The following MCTP2 variants were observed in gnomAD, a reference collection of about 807,000 sequenced individuals.
MCTP2 encodes multiple C2 and transmembrane domain-containing protein 2.
In MCTP2, 132 loss-of-function variants were observed where a neutral mutation model predicts 111.6. The observed-to-expected ratio is 1.18, with a 90% CI of 1.03 to 1.37. The LOEUF (loss-of-function observed/expected upper bound fraction) is 1.37, where lower values mean the gene tolerates loss of function less well. Ranked by LOEUF, MCTP2 falls within the 40% of genes most tolerant of loss-of-function variation. The pLI is 0.00. For missense variants in MCTP2, 1,183 were observed against 1,067.9 expected, an observed-to-expected ratio of 1.11 and a Z score of -1.50; for synonymous variants, 395 against 387.7, an observed-to-expected ratio of 1.02 and a Z score of -0.22.
chr15:94,286,764 G>C (rs1024597468), intron 1 of MCTP2, among the ~76,000 whole-genome samples: 1 of 152,184 alleles, frequency 6.6e-6, no homozygotes, highest in African/African-American at 2.4e-5. Context: ...AGGATGTCTG[G>C]CTTAAAACCA....
intron 4 of MCTP2, among the ~76,000 whole-genome samples, chr15:94,334,845 G>A (rs1409323829): frequency 1.3e-5 from 2 of 152,140 alleles, no homozygotes; most frequent in African/African-American, 2.4e-5. Flanking sequence ...ACTGTATCCA[G>A]CCTGTTATTT....
chr15:94,273,046 T>C (rs537271250), intron 1 of MCTP2, among the ~76,000 whole-genome samples: 67 of 152,352 alleles, frequency 4.4e-4, no homozygotes, highest in African/African-American at 1.5e-3. Flanking sequence ...TGAAAACCTG[T>C]ACTTCTCAGC....
At chr15:94,327,998 C>A (rs923394517) in intron 4 of MCTP2, among the ~76,000 whole-genome samples, 2 of 152,138 alleles carry the variant, frequency 1.3e-5, no homozygotes, top group Non-Finnish European at 2.9e-5. Context: ...GTTTTCTATT[C>A]CTGCTGCGTG....
At chr15:94,457,774 G>A (rs1484568804) in intron 19 of MCTP2, among the ~76,000 whole-genome samples, 1 of 152,206 alleles carries the variant, frequency 6.6e-6, no homozygotes, top group African/African-American at 2.4e-5. Context: ...AGTAGGGTGA[G>A]CTTCAGAAAA....
intron 10 of MCTP2, among the ~76,000 whole-genome samples, chr15:94,359,348 G>A (rs1436369825): frequency 1.3e-5 from 2 of 152,150 alleles, no homozygotes; most frequent in Non-Finnish European, 2.9e-5. Context: ...TCCAGAGTCA[G>A]GATTTTGTGT....
At chr15:94,247,861 G>A (rs189795033) in intron 1 of MCTP2, among the ~76,000 whole-genome samples, 61 of 152,214 alleles carry the variant, frequency 4.0e-4, no homozygotes, top group African/African-American at 1.3e-3. Context: ...TTAATAAAAC[G>A]AATCCTCTTC....
intron 17 of MCTP2, among the ~76,000 whole-genome samples, chr15:94,433,827 A>C (rs1207872603): frequency 6.6e-6 from 1 of 152,094 alleles, no homozygotes; most frequent in Non-Finnish European, 1.5e-5. Flanking sequence ...CAGTGGTTTT[A>C]ATTTGTGTTT....
intron 1 of MCTP2, among the ~76,000 whole-genome samples, chr15:94,251,300 A>T (rs537444277): frequency 6.6e-6 from 1 of 152,304 alleles, no homozygotes; most frequent in Non-Finnish European, 1.5e-5. Flanking sequence ...TAAAATTAAT[A>T]AATTTTGTCA....
chr15:94,332,996 G>A (rs1320262001), intron 4 of MCTP2, among the ~76,000 whole-genome samples: 2 of 152,304 alleles, frequency 1.3e-5, no homozygotes, highest in African/African-American at 4.8e-5. Context: ...CAGCACTTTG[G>A]GATGCTGAGG....
intron 1 of MCTP2, among the ~76,000 whole-genome samples, chr15:94,276,042 C>T (rs962805318): frequency 6.6e-6 from 1 of 151,950 alleles, no homozygotes; most frequent in Non-Finnish European, 1.5e-5. Context: ...GATGGGATTT[C>T]ACCGTGTTAG....
chr15:94,468,633 ACACT>A (rs1168218737), intron 20 of MCTP2, among the ~76,000 whole-genome samples: 1 of 152,110 alleles, frequency 6.6e-6, no homozygotes, highest in African/African-American at 2.4e-5. Flanking sequence ...AAAAACAATA[ACACT>A]CAGTCTTTTG....
chr15:94,462,722 T>C (rs2085291457), intron 20 of MCTP2, among the ~76,000 whole-genome samples: 1 of 152,230 alleles, frequency 6.6e-6, no homozygotes, highest in African/African-American at 2.4e-5. Context: ...ATCCCAGTTT[T>C]GTCACTGGAA....
In MCTP2 at chr15:94,296,630, G is replaced by C. The variant is rs139611953; in HGVS notation, c.-65-1571G>C. On this transcript the variant is annotated intron_variant, in intron 1 of 22. Coordinates refer to ENST00000357742, the MANE Select transcript of MCTP2 (RefSeq NM_001385001.1). ...ATGATAGAGACACCTTTCTGTGTCT[G>C]AGCACTTTAAAGCATCAGACACTGT... Among the ~76,000 whole-genome samples the C allele has an allele frequency of 4.5e-4, 69 of 152,312 alleles. 2 individuals are homozygous for C. In the East Asian group the frequency reaches 9.4e-3, roughly 21 times the overall value.
intron 1 of MCTP2, among the ~76,000 whole-genome samples, chr15:94,270,691 A>G (rs533713668): frequency 3.1e-4 from 47 of 152,178 alleles, no homozygotes; most frequent in African/African-American, 1.1e-3. Flanking sequence ...CTCTTTGGCT[A>G]CATGTATCCC....
At chr15:94,443,978 T>C (rs1482340687) in intron 19 of MCTP2, among the ~76,000 whole-genome samples, 2 of 27,554 alleles carry the variant, frequency 7.3e-5, no homozygotes, top group Non-Finnish European at 1.5e-4. Context: ...TGGGATATTT[T>C]ACCAAAAAAA....
chr15:94,328,282 C>G (rs1026553604), intron 4 of MCTP2, among the ~76,000 whole-genome samples: 2 of 151,910 alleles, frequency 1.3e-5, no homozygotes, highest in African/African-American at 4.8e-5. Flanking sequence ...GTGCCCGCCA[C>G]CACGCCCGGC....
At chr15:94,301,091 C>T (rs148157926) in intron 2 of MCTP2, among the ~76,000 whole-genome samples, 4 of 152,128 alleles carry the variant, frequency 2.6e-5, no homozygotes, top group East Asian at 1.9e-4. Flanking sequence ...TCCCTTTTAA[C>T]GCAACCATTT....
At chr15:94,474,513 C>T (rs539732484) in intron 21 of MCTP2, among the ~76,000 whole-genome samples, 21 of 152,294 alleles carry the variant, frequency 1.4e-4, no homozygotes, top group Middle Eastern at 6.8e-3. Context: ...GAAGCCAGAA[C>T]GGGGGCCCAG....
intron 12 of MCTP2, among the ~76,000 whole-genome samples, chr15:94,383,731 G>T (rs147475362): frequency 4.6e-5 from 7 of 152,128 alleles, no homozygotes; most frequent in African/African-American, 1.4e-4. Flanking sequence ...TCCTTCCCAC[G>T]ACACATGGGA....
Sources: allele counts gnomAD v4.1 joint callset (sites outside exome capture counted in the v4.1 genomes callset), GRCh38; gene constraint gnomAD v4.1.1; transcripts MANE v1.5; gene names NCBI Gene and HGNC (gene_info 2026-07-23, HGNC 2026-07-21).